PCDH15: variants seen among roughly 807,000 people sequenced by gnomAD.
PCDH15 encodes the protein protocadherin related 15.
PCDH15 carries 129 observed loss-of-function variants against 178.5 expected under a neutral mutation model. That is an observed-to-expected ratio of 0.72 (90% CI 0.63 to 0.84). PCDH15 has a LOEUF of 0.84. Among genes scored for constraint, PCDH15 ranks in the 40% least tolerant of loss-of-function variants. PCDH15 has a pLI of 0.00. For missense variants in PCDH15, 2,230 were observed against 2,099.9 expected (o/e 1.06, Z -1.21); for synonymous variants, 800 against 732.0 (o/e 1.09, Z -1.50).
At chr10:55,207,616 G>GTTA (rs1232320578) in intron 1 of PCDH15, among the ~76,000 whole-genome samples, 1 of 152,126 alleles carries the variant, frequency 6.6e-6, no homozygotes, top group African/African-American at 2.4e-5. Context: ...TACTCAGATA[G>GTTA]TTATAATCAG....
chr10:54,647,040 A>G (rs2094144471), intron 2 of PCDH15, among the ~76,000 whole-genome samples: 1 of 152,114 alleles, frequency 6.6e-6, no homozygotes, highest in Non-Finnish European at 1.5e-5. Context: ...TAGCACTACC[A>G]TGTTACTGCA....
In PCDH15 at chr10:55,312,999, T is replaced by C. The variant is rs148831942; in HGVS notation, c.-156+6600A>G. ...GAACTATAGTCCAACATCTAAGAAA[T>C]AGAATTCTTAAATTCATTATCACTA... On this transcript the variant is annotated intron_variant, in intron 1 of 5. Transcript: ENST00000458638. 5.0e-3 allele frequency among the ~76,000 whole-genome samples: 763 copies of C among 152,266 alleles called. 11 individuals are homozygous for C. The highest frequency in any genetic ancestry group is 0.017 in the African/African-American group (710 of 41,554).
At chr10:54,762,807 AAG>A (rs898350074) in intron 1 of PCDH15, among the ~76,000 whole-genome samples, 4 of 152,198 alleles carry the variant, frequency 2.6e-5, no homozygotes, top group African/African-American at 9.6e-5. Flanking sequence ...TTTATAATGA[AAG>A]AAATATTTCA....
chr10:54,072,031 C>T (rs1472333210), intron 17 of PCDH15, among the ~76,000 whole-genome samples: 1 of 151,758 alleles, frequency 6.6e-6, no homozygotes, highest in Non-Finnish European at 1.5e-5. Flanking sequence ...TACCTTATAA[C>T]TTATTTTATT....
chr10:53,940,974 G>T lies in PCDH15; in HGVS notation c.3124C>A (p.Pro1042Thr), dbSNP rs2086009622. The part of the protein sequence containing the change: ...IPRFTQEEYR[P>T]PPVSELATKG... ...GTGGCAAGTTCACTTACTGGAGGAG[G>T]TCTGCAGGTTTAGAGAAGATGATGT... The change falls in exon 24 of 38, where the codon CCT becomes ACT. Residue 1042 changes from proline (P) to threonine (T), a missense_variant and splice_region_variant. Transcript: ENST00000644397. 1 of 1,596,734 alleles carries T rather than the reference G, an allele frequency of 6.3e-7. No homozygotes were observed. Among genetic ancestry groups the T allele is most frequent in the South Asian group, 1.1e-5 (1 of 90,724 alleles).
chr10:53,897,686 T>C (rs1464927094), intron 26 of PCDH15, among the ~76,000 whole-genome samples: 1 of 152,012 alleles, frequency 6.6e-6, no homozygotes, highest in African/African-American at 2.4e-5. Flanking sequence ...AACAACAGCT[T>C]CCCATTTACC....
intron 3 of PCDH15, among the ~76,000 whole-genome samples, chr10:54,459,570 A>C (rs970841576): frequency 2.6e-5 from 4 of 152,112 alleles, no homozygotes; most frequent in Non-Finnish European, 5.9e-5. Flanking sequence ...CCCATAATGT[A>C]AAGATTTTAG....
chr10:54,701,333 T>C (rs1284343805), intron 1 of PCDH15, among the ~76,000 whole-genome samples: 4 of 152,016 alleles, frequency 2.6e-5, no homozygotes, highest in African/African-American at 4.8e-5. Context: ...GGAAAGACTG[T>C]TACAAGACAT....
chr10:55,139,966 G>T (rs1179979746), intron 2 of PCDH15, among the ~76,000 whole-genome samples: 1 of 151,814 alleles, frequency 6.6e-6, no homozygotes, highest in Non-Finnish European at 1.5e-5. Flanking sequence ...CATTATTTTA[G>T]CATAGTAATC....
intron 2 of PCDH15, among the ~76,000 whole-genome samples, chr10:54,968,830 A>G (rs1312634631): frequency 1.3e-5 from 2 of 151,946 alleles, no homozygotes; most frequent in Non-Finnish European, 2.9e-5. Flanking sequence ...TGTGTGTTTC[A>G]TTTCAGATAG....
intron 2 of PCDH15, among the ~76,000 whole-genome samples, chr10:54,981,802 G>T (rs1479319229): frequency 2.6e-5 from 4 of 151,780 alleles, no homozygotes; most frequent in Admixed American, 6.6e-5. Flanking sequence ...TTGAGACAAG[G>T]TCTCATTCTG....
chr10:53,977,871 G>T (rs2090314045), intron 21 of PCDH15, among the ~76,000 whole-genome samples: 1 of 152,144 alleles, frequency 6.6e-6, no homozygotes, highest in African/African-American at 2.4e-5. Context: ...CTAAAATCCA[G>T]GGGGGAAGTT....
rs1485034012 is a variant in PCDH15 at position 55,094,969 on chromosome 10, A to G, written c.-80+71607T>C. On this transcript the variant is annotated intron_variant, in intron 2 of 5. Transcript: ENST00000458638. ...TTTTATCTCACTGTGTCACCCAGGC[A>G]AGAGTGTAGTGGAGTAGTCACTGCT... is the stretch of plus-strand genomic sequence containing the variant. Among the ~76,000 whole-genome samples the G allele has an allele frequency of 2.0e-5, 3 of 146,784 alleles. No individual in the cohort carries two copies. In the South Asian group the frequency reaches 6.4e-4, roughly 32 times the overall value.
chr10:54,516,639 G>C (rs60177334), intron 3 of PCDH15, among the ~76,000 whole-genome samples: 27,269 of 151,954 alleles, frequency 0.18, 2,712 homozygotes, highest in East Asian at 0.31. Context: ...ACACTCTGCA[G>C]GATATTATCC....
At chr10:54,034,919 G>T (rs1242229500) in intron 18 of PCDH15, among the ~76,000 whole-genome samples, 1 of 151,744 alleles carries the variant, frequency 6.6e-6, no homozygotes, top group Non-Finnish European at 1.5e-5. Flanking sequence ...TATATAAAAG[G>T]GCCAGGTACT....
intron 1 of PCDH15, among the ~76,000 whole-genome samples, chr10:54,675,047 A>T (rs2094757476): frequency 6.6e-6 from 1 of 152,016 alleles, no homozygotes; most frequent in South Asian, 2.1e-4. Context: ...AAATTACCAA[A>T]CTGAAAAGTA....
chr10:54,908,791 C>A (rs1954769353), intron 2 of PCDH15, among the ~76,000 whole-genome samples: 1 of 151,846 alleles, frequency 6.6e-6, no homozygotes, highest in African/African-American at 2.4e-5. Context: ...AATGGGTGTT[C>A]AGCTCTCAGC....
At chr10:54,720,930 G>A (rs1941497830) in intron 1 of PCDH15, among the ~76,000 whole-genome samples, 1 of 151,892 alleles carries the variant, frequency 6.6e-6, no homozygotes, top group Non-Finnish European at 1.5e-5. Flanking sequence ...CTAAACCACA[G>A]AAAATACATT....
chr10:55,031,904 C>T (rs1339213610), intron 2 of PCDH15, among the ~76,000 whole-genome samples: 3 of 152,084 alleles, frequency 2.0e-5, no homozygotes. Context: ...CACACACACA[C>T]AAATGAACTA....
Sources: allele counts gnomAD v4.1 joint callset (sites outside exome capture counted in the v4.1 genomes callset), GRCh38; gene constraint gnomAD v4.1.1; transcripts MANE v1.5; gene names NCBI Gene and HGNC (gene_info 2026-07-23, HGNC 2026-07-21).